The following TMCC2 variants were observed in gnomAD, a reference collection of about 807,000 sequenced individuals.
TMCC2 encodes the protein transmembrane and coiled-coil domains protein 2.
TMCC2 carries 16 observed loss-of-function variants against 49.4 expected under a neutral mutation model. That is an observed-to-expected ratio of 0.32 (90% confidence interval 0.22 to 0.49). TMCC2 has a LOEUF of 0.49. TMCC2 is among the 20% of genes least tolerant of loss of function. The pLI is 0.99. For synonymous variants in TMCC2, 397 were observed against 434.1 expected (o/e 0.91, Z 1.06); for missense variants, 762 against 989.8 (o/e 0.77, Z 3.09).
rs779624365 is a variant in TMCC2 at position 205,271,773 on chromosome 1, C to T, written c.1819-40C>T. ...AGGTTTTCAGCCTAGGGGTCCTGCC[C>T]ATCCTGAGCGCACACATGCCAGCCC... On this transcript the variant is annotated intron_variant, in intron 4 of 4. Coordinates refer to ENST00000358024, the MANE Select transcript of TMCC2 (RefSeq NM_014858.4). 15 of 1,588,910 alleles carry T rather than the reference C, an allele frequency of 9.4e-6. 1 individual carries two copies. The South Asian group carries it at 1.3e-4, about 14-fold the overall frequency.
chr1:205,239,768 T>G (rs1039535689), intron 1 of TMCC2, among the ~76,000 whole-genome samples: 6 of 152,160 alleles, frequency 3.9e-5, no homozygotes, highest in African/African-American at 1.4e-4. Context: ...TCAAATGAGG[T>G]GAAAAATGAA....
At chr1:205,265,355 C>T (rs1335226294) in intron 2 of TMCC2, among the ~76,000 whole-genome samples, 1 of 152,230 alleles carries the variant, frequency 6.6e-6, no homozygotes, top group Non-Finnish European at 1.5e-5. Flanking sequence ...GAGAGCCAAG[C>T]TGCTAGGAAG....
At chr1:205,249,861 C>T (rs930169223) in intron 2 of TMCC2, among the ~76,000 whole-genome samples, 3 of 152,244 alleles carry the variant, frequency 2.0e-5, no homozygotes, top group Admixed American at 1.3e-4. Flanking sequence ...GCCAGTGGCT[C>T]GCCAGGCCAG....
chr1:205,259,662 G>T (rs939507068), intron 2 of TMCC2, among the ~76,000 whole-genome samples: 6 of 152,200 alleles, frequency 3.9e-5, no homozygotes, highest in Non-Finnish European at 7.3e-5. Context: ...GTCCAGGGCC[G>T]GGTTGACACG....
intron 2 of TMCC2, among the ~76,000 whole-genome samples, chr1:205,260,021 C>T (rs908921690): frequency 6.6e-6 from 1 of 152,190 alleles, no homozygotes; most frequent in Non-Finnish European, 1.5e-5. Flanking sequence ...AGATGTAAGG[C>T]CCTGGCTGGT....
At chr1:205,271,466 G>T in intron 4 of TMCC2, 2 of 790,720 alleles carry the variant, frequency 2.5e-6, no homozygotes, top group South Asian at 3.6e-5. Flanking sequence ...CTGTGCAGAG[G>T]CAAGCCCACA....
At chr1:205,234,949 G>A (rs1659974857) in intron 1 of TMCC2, among the ~76,000 whole-genome samples, 1 of 152,106 alleles carries the variant, frequency 6.6e-6, no homozygotes, top group African/African-American at 2.4e-5. Flanking sequence ...GTGAGCCACT[G>A]CGCACGGCCT....
chr1:205,232,959 A>AC (rs1659862694), intron 1 of TMCC2, among the ~76,000 whole-genome samples: 3 of 116,144 alleles, frequency 2.6e-5, no homozygotes, highest in Admixed American at 9.4e-5. Flanking sequence ...AAAAAAAAAA[A>AC]ACACAAAAAA....
In TMCC2 at chr1:205,272,342, G is replaced by C. The variant is rs573218395; in HGVS notation, c.*218G>C. 2.2e-6 allele frequency: 2 copies of C among 892,414 alleles called. No individual in the cohort carries two copies. Among genetic ancestry groups the C allele is most frequent in the Admixed American group, 3.0e-5 (1 of 33,772 alleles). The allele number at this position is 892,414 out of a possible 1,614,324, so 55.3% of individuals were successfully genotyped here. A position where few individuals can be genotyped will look rare whatever the true frequency, so the allele number is the denominator to read the frequency against. Reference sequence around the variant, plus strand: ...TGCAGCCCTACCTGGAGATAGTGCGGGCACCTGTGGCCAAGTGGAGCAGAG... The same window carrying C: ...TGCAGCCCTACCTGGAGATAGTGCGCGCACCTGTGGCCAAGTGGAGCAGAG... On this transcript the variant is annotated 3_prime_UTR_variant, in exon 5 of 5. Coordinates refer to ENST00000358024, the MANE Select transcript of TMCC2 (RefSeq NM_014858.4).
In TMCC2 at chr1:205,264,441, C is replaced by T. The variant is rs1661238060; in HGVS notation, c.748-4509C>T. On this transcript the variant is annotated intron_variant, in intron 2 of 4. Coordinates refer to ENST00000358024, the MANE Select transcript of TMCC2 (RefSeq NM_014858.4). This position sits in a 1 kb window ranked among gnomAD's most constrained non-coding sequence, Gnocchi z 4.2. ...TCAAGTGATTCTTCTGCCTCAGCCT[C>T]CTGAGTAGCTGGAACAACCGGAACA... Among the ~76,000 whole-genome samples the T allele has an allele frequency of 6.6e-6, 1 of 152,092 alleles. No homozygotes were observed. The highest frequency in any genetic ancestry group is 2.1e-4 in the South Asian group (1 of 4,820).
chr1:205,250,997 C>A (rs1019552183), intron 2 of TMCC2, among the ~76,000 whole-genome samples: 2 of 152,176 alleles, frequency 1.3e-5, no homozygotes, highest in Non-Finnish European at 2.9e-5. Context: ...AGATGAGAAA[C>A]GTGACCCCAG....
chr1:205,268,897 C>T (rs1305441815), intron 2 of TMCC2, 53 bp from the exon 3 acceptor site: 5 of 1,566,940 alleles, frequency 3.2e-6, no homozygotes, highest in East Asian at 2.3e-5. Flanking sequence ...TCCAGGGGCA[C>T]TCCTATGGTC....
chr1:205,229,740 C>T, intron 1 of TMCC2: 1 of 985,450 alleles, frequency 1.0e-6, no homozygotes, highest in Non-Finnish European at 1.2e-6. Flanking sequence ...CATGCTGAGC[C>T]AGCAGCTAGA....
Position 205,261,673 on chromosome 1 carries a change from C to T in TMCC2, c.748-7277C>T, listed in dbSNP as rs142514157. On this transcript the variant is annotated intron_variant, in intron 2 of 4. Coordinates refer to ENST00000358024, the MANE Select transcript of TMCC2 (RefSeq NM_014858.4). ...CAGTCTAGGCCATGGAGTGAGAACCCGTCTCAAAAAAAAAAAAATTATTAT... is the reference window on the plus strand; with the variant it reads ...CAGTCTAGGCCATGGAGTGAGAACCTGTCTCAAAAAAAAAAAAATTATTAT... 2.6e-3 allele frequency among the ~76,000 whole-genome samples: 362 copies of T among 138,742 alleles called. 3 individuals carry two copies. In the East Asian group the frequency reaches 0.036, roughly 14 times the overall value. The allele number at this position is 138,742 out of a possible 152,430, so 91.0% of individuals were successfully genotyped here. A position where few individuals can be genotyped will look rare whatever the true frequency, so the allele number is the denominator to read the frequency against.
intron 3 of TMCC2, among the ~76,000 whole-genome samples, chr1:205,270,661 G>A (rs543325167): frequency 6.6e-6 from 1 of 152,294 alleles, no homozygotes; most frequent in East Asian, 1.9e-4. Flanking sequence ...GTCATCTTAC[G>A]CTATTTTGTG....
chr1:205,250,763 G>A (rs1660635962), intron 2 of TMCC2, among the ~76,000 whole-genome samples: 1 of 152,190 alleles, frequency 6.6e-6, no homozygotes, highest in African/African-American at 2.4e-5. Flanking sequence ...AGGCCAGCCA[G>A]GTATCTGCCT....
In TMCC2 at chr1:205,272,466, TAGG is replaced by T. The variant is rs1343419591; in HGVS notation, c.*348_*350del. On this transcript the variant is annotated 3_prime_UTR_variant, in exon 5 of 5. Coordinates refer to ENST00000358024, the MANE Select transcript of TMCC2 (RefSeq NM_014858.4). Reference sequence around the variant, plus strand: ...CCCAAGTCAGGAAGACCATTAAGAATAGGAGGAGAGGGCTCTGCCTCAACTTTC... The same window carrying T: ...CCCAAGTCAGGAAGACCATTAAGAATAGGAGAGGGCTCTGCCTCAACTTTC... The T allele has an allele frequency of 3.3e-6, 1 of 300,236 alleles. No homozygotes were observed. The highest frequency in any genetic ancestry group is 6.2e-6 in the Non-Finnish European group (1 of 160,466). 18.6% of individuals were successfully genotyped at this position (300,236 alleles called of 1,614,324 possible).
At chr1:205,249,649 G>A (rs1037619931) in intron 2 of TMCC2, among the ~76,000 whole-genome samples, 1 of 152,224 alleles carries the variant, frequency 6.6e-6, no homozygotes, top group African/African-American at 2.4e-5. Flanking sequence ...AGGTACATGC[G>A]CCAGCCTCTG....
At chr1:205,268,156 C>A in intron 2 of TMCC2, 1 of 841,768 alleles carries the variant, frequency 1.2e-6, no homozygotes, top group Non-Finnish European at 1.4e-6. Flanking sequence ...GCAGGCAGGG[C>A]ACAAAGTGTA....
Sources: allele counts gnomAD v4.1 joint callset (sites outside exome capture counted in the v4.1 genomes callset), GRCh38; gene constraint gnomAD v4.1.1; non-coding constraint Gnocchi (gnomAD v3.1); transcripts MANE v1.5; gene names NCBI Gene and HGNC (gene_info 2026-07-23, HGNC 2026-07-21).